RTCA: variants seen among roughly 807,000 people sequenced by gnomAD.
The protein encoded by RTCA is RNA terminal phosphate cyclase domain 1.
RTCA carries 37 observed loss-of-function variants against 46.1 expected under a neutral mutation model. The observed-to-expected ratio is 0.80, with a 90% CI of 0.62 to 1.06. The LOEUF is 1.06. RTCA is among the 50% of genes least tolerant of loss of function. RTCA has a pLI of 0.00. For synonymous variants in RTCA, 164 were observed against 158.3 expected (o/e 1.04, Z -0.27); for missense variants, 435 against 455.5 (o/e 0.95, Z 0.41).
At chr1:100,291,371 G>T in intron 10 of RTCA, 32 bp from the exon 11 acceptor site, 1 of 1,424,424 alleles carries the variant, frequency 7.0e-7, no homozygotes, top group Non-Finnish European at 9.7e-7. Flanking sequence ...ATCTCTCTTC[G>T]TATTACTTAT....
Position 100,291,464 on chromosome 1 carries a change from T to C in RTCA, c.1061T>C (p.Ile354Thr). 3.7e-6 allele frequency: 6 copies of C among 1,612,358 alleles called. No individual in the cohort carries two copies. Among genetic ancestry groups the C allele is most frequent in the Non-Finnish European group, 5.1e-6 (6 of 1,179,198 alleles). The change falls in exon 11 of 11, where the codon ATT becomes ACT. Residue 354 changes from isoleucine to threonine, a missense_variant. Coordinates refer to ENST00000370128, the MANE Select transcript of RTCA (RefSeq NM_003729.4). ...GACGCCGCTAAAGATACTTATATTA[T>C]TGAATGCCAAGGAATTGGGATGACA... ...EEDAAKDTYIIECQGIGMTNP... is the reference protein window; with the variant it reads ...EEDAAKDTYITECQGIGMTNP...
rs1417803153 is a variant in RTCA, at chr1:100,267,659, T to TC, written c.147-493_147-492insC. 45 of 1,158,380 alleles carry TC rather than the reference T, an allele frequency of 3.9e-5. 1 individual carries two copies. The highest frequency in any genetic ancestry group is 5.0e-5 in the Non-Finnish European group (44 of 884,210). 71.8% of individuals were successfully genotyped at this position (1,158,380 alleles called of 1,614,324 possible). A position where few individuals can be genotyped will look rare whatever the true frequency, so the allele number is the denominator to read the frequency against. ...CGTCTCTGTATGTTCTAGTTTTTTT[T>TC]TTTTTTATAAGGACACCAGTAAGAT... On this transcript the variant is annotated intron_variant, in intron 2 of 10. Transcript: ENST00000370128.
intron 4 of RTCA, 121 bp from the exon 5 acceptor site, chr1:100,273,273 A>T (rs1366672906): frequency 1.0e-5 from 6 of 582,504 alleles, no homozygotes; most frequent in Non-Finnish European, 1.8e-5. Context: ...ACATATTCTT[A>T]TAACACTGTT....
At position 100,269,795 on chromosome 1, in the gene RTCA, C is replaced by T. The variant is rs536057960; in HGVS notation, c.291-762C>T. Among the ~76,000 whole-genome samples the T allele has an allele frequency of 3.9e-5, 6 of 152,228 alleles. No individual in the cohort carries two copies. The South Asian group carries it at 1.0e-3, about 26-fold the overall frequency. ...CAACTGGTCATCTAGGTTTTAAGCCCTGCATGCATTAGGTATTTGTCCTAG... is the reference window on the plus strand; with the variant it reads ...CAACTGGTCATCTAGGTTTTAAGCCTTGCATGCATTAGGTATTTGTCCTAG... On this transcript the variant is annotated intron_variant, in intron 3 of 10. Transcript: ENST00000370128.
At chr1:100,271,456 A>G (rs1666085632) in intron 4 of RTCA, among the ~76,000 whole-genome samples, 1 of 152,106 alleles carries the variant, frequency 6.6e-6, no homozygotes, top group South Asian at 2.1e-4. Flanking sequence ...ATAAAGCAAG[A>G]TGCTGTCTTT....
chr1:100,279,281 G>A (rs1326969498), intron 8 of RTCA, among the ~76,000 whole-genome samples: 1 of 152,198 alleles, frequency 6.6e-6, no homozygotes, highest in Non-Finnish European at 1.5e-5. Context: ...TATTCTGGCA[G>A]AGGAAACAGA....
In RTCA at chr1:100,277,318, T is replaced by C. The variant is rs1570882102; in HGVS notation, c.799+2T>C. The C allele has an allele frequency of 6.8e-6, 11 of 1,608,544 alleles. No homozygotes were observed. Among genetic ancestry groups the C allele is most frequent in the Non-Finnish European group, 9.3e-6 (11 of 1,177,806 alleles). ...CTGGATCATCGCTTGGTAAACGAGG[T>C]AAGATAAATGAAGGGGGTCCATAGT... On this transcript the variant is annotated splice_donor_variant, in intron 8 of 10. Coordinates refer to ENST00000370128, the MANE Select transcript of RTCA (RefSeq NM_003729.4). LOFTEE classifies it high-confidence loss of function.
chr1:100,286,431 G>GGTGGCA (rs1454748754), intron 9 of RTCA, among the ~76,000 whole-genome samples: 1 of 145,628 alleles, frequency 6.9e-6, no homozygotes, highest in Non-Finnish European at 1.5e-5. Context: ...CTCCAGCCTG[G>GGTGGCA]GTGGCAGAGC....
In RTCA at chr1:100,271,435, C is replaced by A. The variant is rs531779506; in HGVS notation, c.414+755C>A. 2.0e-5 allele frequency among the ~76,000 whole-genome samples: 3 copies of A among 152,198 alleles called. No homozygotes were observed. In the South Asian group the frequency reaches 6.2e-4, roughly 32 times the overall value. ...TTTGCAGTGAGCTATGTTGGCACTC[C>A]ATCCTGGGTGATAAAGCAAGATGCT... On this transcript the variant is annotated intron_variant, in intron 4 of 10. Coordinates refer to ENST00000370128, the MANE Select transcript of RTCA (RefSeq NM_003729.4).
chr1:100,273,256 C>G (rs1666195725), intron 4 of RTCA, 138 bp from the exon 5 acceptor site: 1 of 485,446 alleles, frequency 2.1e-6, no homozygotes. Context: ...AAAAATGGAA[C>G]CAGCCTACAT....
At chr1:100,288,879 G>C (rs1667173851) in intron 10 of RTCA, among the ~76,000 whole-genome samples, 1 of 151,412 alleles carries the variant, frequency 6.6e-6, no homozygotes, top group Admixed American at 6.6e-5. Context: ...TTGGAGTGCA[G>C]TGGCACAGTC....
At chr1:100,267,528 G>C in intron 2 of RTCA, 3 of 1,545,294 alleles carry the variant, frequency 1.9e-6, no homozygotes, top group Non-Finnish European at 1.8e-6. Context: ...CAAGATCAAG[G>C]TCCTGACAAG....
At chr1:100,268,395 A>C in intron 3 of RTCA, 100 bp downstream of exon 3, 4 of 970,460 alleles carry the variant, frequency 4.1e-6, no homozygotes, top group East Asian at 2.9e-5. Context: ...TTGTTTCCCT[A>C]CTTTTATGTT....
intron 7 of RTCA, among the ~76,000 whole-genome samples, chr1:100,276,439 G>A (rs1666386211): frequency 6.6e-6 from 1 of 152,174 alleles, no homozygotes; most frequent in African/African-American, 2.4e-5. Flanking sequence ...AGCACTTTGG[G>A]AGGCTGAGGC....
intron 5 of RTCA, among the ~76,000 whole-genome samples, chr1:100,274,265 C>A (rs1446704345): frequency 6.6e-6 from 1 of 152,196 alleles, no homozygotes; most frequent in African/African-American, 2.4e-5. Flanking sequence ...GGGAGGAGTA[C>A]TGTCTTCTCA....
At chr1:100,274,230 C>T (rs552589952) in intron 5 of RTCA, among the ~76,000 whole-genome samples, 48 of 152,284 alleles carry the variant, frequency 3.2e-4, no homozygotes, top group African/African-American at 1.1e-3. Context: ...GAGCCATCTC[C>T]CTACCAGATG....
In RTCA at chr1:100,287,384, G is replaced by A. The variant is rs1266147841; in HGVS notation, c.999+181G>A. ...TCTACTCAGCATAACTATTGTAGGT[G>A]GCTATTTATTATTATTCCCATTATA... On this transcript the variant is annotated intron_variant, in intron 10 of 10. Transcript: ENST00000370128. Among the ~76,000 whole-genome samples, 4 of 152,148 alleles carry A rather than the reference G, an allele frequency of 2.6e-5. No homozygotes were observed. The East Asian group carries it at 7.7e-4, about 29-fold the overall frequency.
intron 6 of RTCA, 124 bp downstream of exon 6, chr1:100,275,089 G>A: frequency 4.0e-6 from 4 of 1,006,410 alleles, no homozygotes; most frequent in Non-Finnish European, 5.7e-6. Context: ...AATGTCCTTT[G>A]TGGCAATATG....
At chr1:100,268,103 T>A in intron 2 of RTCA, 49 bp from the exon 3 acceptor site, 1 of 1,604,612 alleles carries the variant, frequency 6.2e-7, no homozygotes, top group Non-Finnish European at 8.5e-7. Context: ...AATGTGGGGA[T>A]GTAGGCAGTC....
Sources: allele counts gnomAD v4.1 joint callset (sites outside exome capture counted in the v4.1 genomes callset), GRCh38; gene constraint gnomAD v4.1.1; transcripts MANE v1.5; gene names NCBI Gene and HGNC (gene_info 2026-07-23, HGNC 2026-07-21).